The following FAT4 variants were observed in gnomAD, a reference collection of about 807,000 sequenced individuals.
The protein encoded by FAT4 is FAT atypical cadherin 4.
FAT4 carries 84 observed loss-of-function variants against 303.9 expected under a neutral mutation model. The observed-to-expected ratio is 0.28, with a 90% CI of 0.23 to 0.33. The LOEUF (loss-of-function observed/expected upper bound fraction) is 0.33. Among genes scored for constraint, FAT4 ranks in the 10% least tolerant of loss-of-function variants. FAT4 has a pLI of 1.00. For synonymous variants in FAT4, 2,307 were observed against 2,298.8 expected (o/e 1.00, Z -0.10); for missense variants, 6,005 against 6,146.8 (o/e 0.98, Z 0.77).
chr4:125,449,033 C>T lies in FAT4; in HGVS notation c.8023C>T (p.Pro2675Ser), dbSNP rs1229162825. 6.2e-7 allele frequency: 1 copy of T among 1,613,574 alleles called. No individual in the cohort carries two copies. Among genetic ancestry groups the T allele is most frequent in the Non-Finnish European group, 8.5e-7 (1 of 1,179,768 alleles). ...TAATGCCCCAATTTTTAAGGAAGACCCATTTATATCTGAAATATTGGAAAA... is the reference window on the plus strand; with the variant it reads ...TAATGCCCCAATTTTTAAGGAAGACTCATTTATATCTGAAATATTGGAAAA... ...NDNAPIFKED[P>S]FISEILENLS... is the part of the protein sequence containing the mutation. Residue 2675 changes from proline to serine, a missense_variant, in exon 10 of 18, where the codon CCA (proline) becomes TCA (serine). Pro to Ser is a moderately conservative substitution (Grantham distance 74). Transcript: ENST00000394329.
chr4:125,434,340 A>C lies in FAT4; in HGVS notation c.7114A>C (p.Thr2372Pro), dbSNP rs556282890. Residue 2372 changes from threonine (T) to proline (P), a missense_variant, in exon 8 of 18, where the codon ACA becomes CCA. Coordinates refer to ENST00000394329, the MANE Select transcript of FAT4 (RefSeq NM_001291303.3). ...PTFASKAYFT[T>P]IPEDAPTGTD... is the part of the protein sequence containing the mutation. ...ATTTGCCAGTAAAGCGTATTTCACA[A>C]CAATTCCTGAGGATGCACCAACTGG... The C allele has an allele frequency of 6.2e-7, 1 of 1,614,116 alleles. No individual in the cohort carries two copies. The highest frequency in any genetic ancestry group is 1.7e-5 in the Admixed American group (1 of 60,032).
In FAT4 at chr4:125,452,435, G is replaced by A. The variant is rs756366117; in HGVS notation, c.11425G>A (p.Val3809Met). Reference protein sequence around the residue: ...KVESVDHDSCVHGPCQNGGSC... With the variant: ...KVESVDHDSCMHGPCQNGGSC... ...GGAATCTGTGGATCATGACTCCTGTGTGCATGGCCCATGTCAGAATGGAGG... is the reference window on the plus strand; with the variant it reads ...GGAATCTGTGGATCATGACTCCTGTATGCATGGCCCATGTCAGAATGGAGG... The change falls in exon 10 of 18, where the codon GTG (valine) becomes ATG (methionine). Residue 3809 changes from valine (V) to methionine (M), a missense_variant. Coordinates refer to ENST00000394329, the MANE Select transcript of FAT4 (RefSeq NM_001291303.3). 8.7e-6 allele frequency: 14 copies of A among 1,614,048 alleles called. No homozygotes were observed. Among genetic ancestry groups the A allele is most frequent in the Non-Finnish European group, 1.2e-5 (14 of 1,180,032 alleles).
chr4:125,431,291 T>A (rs1725275268), intron 7 of FAT4, among the ~76,000 whole-genome samples: 1 of 152,224 alleles, frequency 6.6e-6, no homozygotes, highest in Non-Finnish European at 1.5e-5. Context: ...CTGTAAGTCT[T>A]AAAATACCAC....
intron 7 of FAT4, among the ~76,000 whole-genome samples, chr4:125,423,989 G>A (rs6851098): frequency 0.99 from 151,288 of 152,342 alleles, 75,126 homozygotes; most frequent in Middle Eastern, 1. Context: ...TGAAGTAACT[G>A]CTTTGCTTTT....
intron 10 of FAT4, among the ~76,000 whole-genome samples, chr4:125,454,123 G>A (rs756036985): frequency 6.6e-6 from 1 of 152,184 alleles, no homozygotes; most frequent in Non-Finnish European, 1.5e-5. Flanking sequence ...TACAGTACTA[G>A]TAGTATAGGT....
At chr4:125,423,510 G>A (rs1213541211) in intron 7 of FAT4, among the ~76,000 whole-genome samples, 2 of 152,198 alleles carry the variant, frequency 1.3e-5, no homozygotes, top group African/African-American at 4.8e-5. Flanking sequence ...TAAGGTTTGG[G>A]AACCTCCGCC....
chr4:125,411,072 T>C (rs1734820188), intron 5 of FAT4, among the ~76,000 whole-genome samples: 1 of 152,044 alleles, frequency 6.6e-6, no homozygotes, highest in Non-Finnish European at 1.5e-5. Flanking sequence ...TAGTCAGACA[T>C]TTTTTAAAAA....
intron 7 of FAT4, among the ~76,000 whole-genome samples, chr4:125,431,206 G>A (rs6851018): frequency 0.99 from 150,919 of 152,336 alleles, 74,772 homozygotes; most frequent in East Asian, 1. Flanking sequence ...TTTGACTGGC[G>A]GTTACTTATT....
intron 2 of FAT4, among the ~76,000 whole-genome samples, chr4:125,347,133 A>G (rs1204376550): frequency 1.3e-5 from 2 of 151,648 alleles, no homozygotes; most frequent in Non-Finnish European, 2.9e-5. Context: ...ATATATAAGA[A>G]TACTAATACT....
intron 7 of FAT4, among the ~76,000 whole-genome samples, chr4:125,429,666 T>C (rs1169542409): frequency 6.6e-6 from 1 of 151,900 alleles, no homozygotes; most frequent in East Asian, 1.9e-4. Flanking sequence ...GTATCAAATG[T>C]GTTCAATGAA....
intron 2 of FAT4, among the ~76,000 whole-genome samples, chr4:125,338,417 TC>T (rs1311680360): frequency 1.3e-5 from 2 of 152,202 alleles, no homozygotes; most frequent in African/African-American, 4.8e-5. Flanking sequence ...TACCTTCCCA[TC>T]CTCAACTATC....
At chr4:125,476,583 C>T (rs1487981391) in intron 13 of FAT4, among the ~76,000 whole-genome samples, 1 of 152,132 alleles carries the variant, frequency 6.6e-6, no homozygotes, top group African/African-American at 2.4e-5. Flanking sequence ...CTTTCAAATG[C>T]GTTTCTAAAA....
chr4:125,414,512 C>T (rs1009256573), intron 5 of FAT4, among the ~76,000 whole-genome samples: 1 of 152,042 alleles, frequency 6.6e-6, no homozygotes, highest in East Asian at 1.9e-4. Flanking sequence ...TACATCAGAA[C>T]ATTTTATTAC....
rs1337161709 is a variant in FAT4, at chr4:125,416,349, CTT to C, written c.6844-98_6844-97del. ...ATCTAAAAATATATCTTTGGAATCT[CTT>C]AACATAGTTTTACCTCATTTTTTTT... On this transcript the variant is annotated intron_variant, in intron 6 of 17. Transcript: ENST00000394329. 48 of 1,066,830 alleles carry C rather than the reference CTT, an allele frequency of 4.5e-5. 2 individuals are homozygous for C. In the Admixed American group the frequency reaches 5.8e-4, roughly 13 times the overall value. 66.1% of individuals were successfully genotyped at this position (1,066,830 alleles called of 1,614,324 possible).
intron 2 of FAT4, among the ~76,000 whole-genome samples, chr4:125,345,370 G>A (rs1028092632): frequency 1.3e-5 from 2 of 151,488 alleles, no homozygotes; most frequent in African/African-American, 4.9e-5. Context: ...AATGACACTA[G>A]TGAGCTTCAG....
chr4:125,340,382 A>G (rs1466075641), intron 2 of FAT4, among the ~76,000 whole-genome samples: 1 of 105,024 alleles, frequency 9.5e-6, no homozygotes, highest in East Asian at 2.2e-4. Context: ...ATTGTAAGAA[A>G]CAACTCTTTT....
At chr4:125,478,607 C>T (rs1294421631) in intron 14 of FAT4, among the ~76,000 whole-genome samples, 2 of 152,110 alleles carry the variant, frequency 1.3e-5, no homozygotes, top group African/African-American at 4.8e-5. Context: ...TCTCGGCCCC[C>T]TGCAACCTCC....
At chr4:125,330,352 C>T (rs952066772) in intron 2 of FAT4, among the ~76,000 whole-genome samples, 3 of 152,194 alleles carry the variant, frequency 2.0e-5, no homozygotes, top group African/African-American at 4.8e-5. Context: ...ATAAGGCTTA[C>T]CAGCCTCCTT....
rs377621635 is a variant in FAT4, at chr4:125,318,098, G to T, written c.1687G>T (p.Val563Leu). Residue 563 changes from valine (V) to leucine (L), a missense_variant, in exon 2 of 18, where the codon GTG becomes TTG. Transcript: ENST00000394329. ...SARDQGVHPK[V>L]SYAQLVVTLL... is the part of the protein sequence containing the mutation. ...CCGGGACCAGGGAGTTCACCCCAAG[G>T]TGTCCTATGCCCAGCTTGTAGTAAC... is the stretch of plus-strand genomic sequence containing the variant. The T allele has an allele frequency of 9.3e-6, 15 of 1,614,020 alleles. No homozygotes were observed. The highest frequency in any genetic ancestry group is 1.3e-5 in the African/African-American group (1 of 74,914).
Sources: allele counts gnomAD v4.1 joint callset (sites outside exome capture counted in the v4.1 genomes callset), GRCh38; gene constraint gnomAD v4.1.1; transcripts MANE v1.5; gene names NCBI Gene and HGNC (gene_info 2026-07-23, HGNC 2026-07-21).